MSH4: variants seen among roughly 807,000 people sequenced by gnomAD.
MSH4 encodes mutS homolog 4, also known as mutS protein homolog 4.
MSH4 carries 106 observed loss-of-function variants against 113.7 expected under a neutral mutation model. That is an observed-to-expected ratio of 0.93 (90% CI 0.80 to 1.10). The LOEUF (loss-of-function observed/expected upper bound fraction) is 1.10. Ranked by LOEUF, MSH4 falls within the 50% of genes least tolerant of loss-of-function variation. MSH4 has a pLI of 0.00. For synonymous variants in MSH4, 368 were observed against 380.2 expected, an observed-to-expected ratio of 0.97 and a Z score of 0.37; for missense variants, 1,061 against 1,093.7, an observed-to-expected ratio of 0.97 and a Z score of 0.42.
At chr1:75,871,684 G>A (rs1185165700) in intron 9 of MSH4, among the ~76,000 whole-genome samples, 2 of 152,154 alleles carry the variant, frequency 1.3e-5, no homozygotes, top group African/African-American at 4.8e-5. Flanking sequence ...GAATTGTGCT[G>A]GAAATGTTTG....
At chr1:75,851,407 G>A (rs548487681) in intron 8 of MSH4, among the ~76,000 whole-genome samples, 92 of 151,696 alleles carry the variant, frequency 6.1e-4, no homozygotes, top group African/African-American at 2.1e-3. Context: ...GTCCATTTTT[G>A]TTTATTTTTT....
chr1:75,889,266 C>T lies in MSH4; in HGVS notation c.2123C>T (p.Ala708Val). ...TATTTTACAGGATCATATGTTCCAG[C>T]AGAATATTCTTCCTTTAGAATTGCT... is the stretch of plus-strand genomic sequence containing the variant. The part of the protein sequence containing the change: ...IMAQIGSYVP[A>V]EYSSFRIAKQ... The change falls in exon 16 of 20, where the codon GCA (alanine) becomes GTA (valine). Residue 708 changes from alanine to valine, a missense_variant. Ala to Val is a moderately conservative substitution (Grantham distance 64). Transcript: ENST00000263187. 1.4e-6 allele frequency: 2 copies of T among 1,466,756 alleles called. No homozygotes were observed. Among genetic ancestry groups the T allele is most frequent in the Non-Finnish European group, 1.9e-6 (2 of 1,059,882 alleles). The allele number at this position is 1,466,756 out of a possible 1,614,324, so 90.9% of individuals were successfully genotyped here. A position where few individuals can be genotyped will look rare whatever the true frequency, so the allele number is the denominator to read the frequency against.
intron 8 of MSH4, among the ~76,000 whole-genome samples, chr1:75,850,794 G>C (rs1177786484): frequency 6.6e-6 from 1 of 152,076 alleles, no homozygotes; most frequent in Non-Finnish European, 1.5e-5. Context: ...ATCTCCAAAT[G>C]TAATTGTGGA....
rs1288347624 is a variant in MSH4, at chr1:75,859,868, G to A, written c.1231-7646G>A. 3.3e-5 allele frequency among the ~76,000 whole-genome samples: 5 copies of A among 152,102 alleles called. No homozygotes were observed. In the South Asian group the frequency reaches 6.2e-4, roughly 19 times the overall value. Reference sequence around the variant, plus strand: ...CTAATATTGACAGTGGTGTGTTAACGTCTCCCATTATTACTGTGCAGGAGT... The same window carrying A: ...CTAATATTGACAGTGGTGTGTTAACATCTCCCATTATTACTGTGCAGGAGT... On this transcript the variant is annotated intron_variant, in intron 8 of 19. Coordinates refer to ENST00000263187, the MANE Select transcript of MSH4 (RefSeq NM_002440.4).
At position 75,897,937 on chromosome 1, in the gene MSH4, G is replaced by A; in HGVS notation, c.2386G>A (p.Glu796Lys). ...TACACTGTTTGCTACACATTTCCTG[G>A]AACTATGCCATATTGATGCCCTGTA... ...AFTLFATHFL[E>K]LCHIDALYPN... The change falls in exon 18 of 20, where the codon GAA becomes AAA. Residue 796 changes from glutamate (E) to lysine (K), a missense_variant. Glu to Lys is a moderately conservative substitution (Grantham distance 56, BLOSUM62 1). Transcript: ENST00000263187. The A allele has an allele frequency of 3.2e-6, 5 of 1,575,902 alleles. No individual in the cohort carries two copies. Among genetic ancestry groups the A allele is most frequent in the Non-Finnish European group, 4.3e-6 (5 of 1,161,554 alleles).
At chr1:75,806,035 T>C (rs1387762111) in intron 2 of MSH4, among the ~76,000 whole-genome samples, 3 of 152,028 alleles carry the variant, frequency 2.0e-5, no homozygotes, top group Non-Finnish European at 4.4e-5. Context: ...TACCTGAGTT[T>C]TTTATTTTCT....
Position 75,905,536 on chromosome 1 carries a change from A to C in MSH4, c.2619+5830A>C, listed in dbSNP as rs182801709. 3.9e-5 allele frequency among the ~76,000 whole-genome samples: 6 copies of C among 152,212 alleles called. No homozygotes were observed. In the Middle Eastern group the frequency reaches 0.01, roughly 259 times the overall value. On this transcript the variant is annotated intron_variant, in intron 19 of 19. Coordinates refer to ENST00000263187, the MANE Select transcript of MSH4 (RefSeq NM_002440.4). ...TTTGTATTCTGCAGCAGTTGGATGA[A>C]ATGTTCTGCAAATGTCAGTGAGGTC...
chr1:75,894,118 C>G (rs1253255490), intron 17 of MSH4, among the ~76,000 whole-genome samples: 1 of 152,040 alleles, frequency 6.6e-6, no homozygotes, highest in Non-Finnish European at 1.5e-5. Flanking sequence ...TGTCACTCTT[C>G]TATATAGGAC....
At chr1:75,810,627 ATC>A (rs1650171229) in intron 3 of MSH4, 68 bp from the exon 4 acceptor site, 2 of 641,458 alleles carry the variant, frequency 3.1e-6, no homozygotes, top group African/African-American at 3.9e-5. Context: ...TTAAATACTT[ATC>A]TCAGAAAAAT....
At chr1:75,819,972 T>C (rs958987340) in intron 6 of MSH4, among the ~76,000 whole-genome samples, 13 of 152,174 alleles carry the variant, frequency 8.5e-5, no homozygotes, top group African/African-American at 2.4e-4. Flanking sequence ...TGCCTCTGCC[T>C]CCCAAAGTGC....
In MSH4 at chr1:75,836,406, C is replaced by T. The variant is rs996277430; in HGVS notation, c.1163-11803C>T. ...CTCTACCTCCTGGGTTCAAGCAATC[C>T]TCGCACCTCAGCCTCCCAAGTAGCT... On this transcript the variant is annotated intron_variant, in intron 7 of 19. Coordinates refer to ENST00000263187, the MANE Select transcript of MSH4 (RefSeq NM_002440.4). 2.0e-5 allele frequency among the ~76,000 whole-genome samples: 3 copies of T among 150,396 alleles called. No individual in the cohort carries two copies. The East Asian group carries it at 5.9e-4, about 30-fold the overall frequency.
intron 19 of MSH4, among the ~76,000 whole-genome samples, chr1:75,907,684 C>CTCTATATATATATATATATATA (rs1307238647): frequency 4.3e-5 from 2 of 46,574 alleles, no homozygotes; most frequent in South Asian, 7.5e-4. Flanking sequence ...CTCTCTCTCT[C>CTCTATATATATATATATATATA]TATACATATA....
At chr1:75,884,979 G>GTATGTA (rs138132019) in intron 15 of MSH4, among the ~76,000 whole-genome samples, 1 of 142,726 alleles carries the variant, frequency 7.0e-6, no homozygotes, top group Non-Finnish European at 1.5e-5. Context: ...ATGTATGTAT[G>GTATGTA]TATATATATG....
intron 7 of MSH4, among the ~76,000 whole-genome samples, chr1:75,844,474 G>A (rs1570963570): frequency 1.3e-5 from 2 of 151,974 alleles, no homozygotes; most frequent in South Asian, 4.1e-4. Flanking sequence ...CTACAGGTGG[G>A]CACCATCCCA....
At chr1:75,844,894 T>C (rs1283261270) in intron 7 of MSH4, among the ~76,000 whole-genome samples, 2 of 152,186 alleles carry the variant, frequency 1.3e-5, no homozygotes, top group Non-Finnish European at 2.9e-5. Flanking sequence ...ATCTGCAAGG[T>C]TAAGGGACCT....
At chr1:75,851,025 C>T (rs887506895) in intron 8 of MSH4, among the ~76,000 whole-genome samples, 3 of 152,036 alleles carry the variant, frequency 2.0e-5, no homozygotes, top group Admixed American at 6.5e-5. Flanking sequence ...TTAGTGTTGC[C>T]ATGGCATATC....
chr1:75,884,236 G>A (rs1360491556), intron 15 of MSH4, among the ~76,000 whole-genome samples: 2 of 152,066 alleles, frequency 1.3e-5, no homozygotes, highest in South Asian at 2.1e-4. Context: ...ATAATATTGA[G>A]CAGAGAAACA....
intron 19 of MSH4, among the ~76,000 whole-genome samples, chr1:75,905,752 A>G (rs916833707): frequency 1.3e-5 from 2 of 152,112 alleles, no homozygotes; most frequent in Admixed American, 6.5e-5. Context: ...ATATATATTT[A>G]TAATTGTTAT....
chr1:75,853,055 CTTTG>C (rs71813389), intron 8 of MSH4, among the ~76,000 whole-genome samples: 32,373 of 151,182 alleles, frequency 0.21, 3,595 homozygotes, highest in Middle Eastern at 0.29. Flanking sequence ...AACTATTTTT[CTTTG>C]TTTGTTTGTT....
Sources: allele counts gnomAD v4.1 joint callset (sites outside exome capture counted in the v4.1 genomes callset), GRCh38; gene constraint gnomAD v4.1.1; transcripts MANE v1.5; gene names NCBI Gene and HGNC (gene_info 2026-07-23, HGNC 2026-07-21).